The following PMFBP1 variants were observed in gnomAD, a reference collection of about 807,000 sequenced individuals.
PMFBP1 encodes polyamine modulated factor 1 binding protein 1, also known as polyamine-modulated factor 1-binding protein 1.
Under a neutral mutation model 137.8 loss-of-function variants are expected in PMFBP1, and 131 were observed. That is an observed-to-expected ratio of 0.95 (90% CI 0.82 to 1.10). The LOEUF (loss-of-function observed/expected upper bound fraction) is 1.10. Among genes scored for constraint, PMFBP1 ranks in the 50% least tolerant of loss-of-function variants. The pLI is 0.00. For missense variants in PMFBP1, 1,199 were observed against 1,175.4 expected (o/e 1.02, Z -0.29); for synonymous variants, 490 against 450.4 (o/e 1.09, Z -1.11).
At chr16:72,173,930 G>C (rs192488099), upstream of PMFBP1, 127 of 152,350 alleles carry the variant, frequency 8.3e-4, no homozygotes, top group African/African-American at 2.8e-3. Flanking sequence ...TACATATTCT[G>C]TTCTGCCTCT....
the PMFBP1 span, among the ~76,000 whole-genome samples, chr16:72,244,415 C>T: frequency 1.3e-5 from 2 of 152,062 alleles, no homozygotes; most frequent in Non-Finnish European, 2.9e-5. Context: ...GCAAATATTG[C>T]CAAAATTGAC....
chr16:72,174,576 TA>T (rs2043250215), upstream of PMFBP1, among the ~76,000 whole-genome samples: 1 of 152,216 alleles, frequency 6.6e-6, no homozygotes, highest in South Asian at 2.1e-4. Context: ...CACATTGTTA[TA>T]TGGAAATACC....
At chr16:72,179,510 A>C (rs1444728338), upstream of PMFBP1, among the ~76,000 whole-genome samples, 1 of 152,170 alleles carries the variant, frequency 6.6e-6, no homozygotes, top group Non-Finnish European at 1.5e-5. Flanking sequence ...AGGGATGAGG[A>C]TGAGGGGCAG....
intron 17 of PMFBP1, 67 bp from the exon 18 acceptor site, chr16:72,123,716 G>C: frequency 7.1e-7 from 1 of 1,406,324 alleles, no homozygotes; most frequent in Non-Finnish European, 9.9e-7. Context: ...CTCCTTCCGA[G>C]TCAGGCCTCT....
At chr16:72,246,623 G>C in the PMFBP1 span, among the ~76,000 whole-genome samples, 1 of 151,882 alleles carries the variant, frequency 6.6e-6, no homozygotes, top group Non-Finnish European at 1.5e-5. Context: ...CTGGCCACAA[G>C]GTTACTTTCT....
chr16:72,150,717 C>G lies in PMFBP1; in HGVS notation c.527G>C (p.Arg176Thr), dbSNP rs1234955114. ...LAGDKIASLERSLNLYRDKYQ... is the reference protein window; with the variant it reads ...LAGDKIASLETSLNLYRDKYQ... ...TTTATCCCTGTAGAGGTTTAAGCTC[C>G]TCTCTAGAGAGGCGATCTTGTCCCC... The change falls in exon 5 of 21, where the codon AGG (arginine) becomes ACG (threonine). Residue 176 changes from arginine (R) to threonine (T), a missense_variant. Arg to Thr is a moderately conservative substitution (Grantham distance 71). Coordinates refer to ENST00000237353, the MANE Select transcript of PMFBP1 (RefSeq NM_031293.3). The G allele has an allele frequency of 6.2e-7, 1 of 1,614,090 alleles. No homozygotes were observed. Among genetic ancestry groups the G allele is most frequent in the Non-Finnish European group, 8.5e-7 (1 of 1,180,034 alleles).
chr16:72,171,156 A>C, intron 2 of PMFBP1, 41 bp downstream of exon 2: 2 of 1,603,346 alleles, frequency 1.2e-6, no homozygotes, highest in Admixed American at 1.7e-5. Context: ...CCTTGTAATG[A>C]ATATTCAACT....
Position 72,119,322 on chromosome 16 carries a change from G to A in PMFBP1, c.*16C>T. ...GAAACACCCGTGGAAATGCTGCTCA[G>A]GGCTAGATGTGGATTCTAGCAGTAT... On this transcript the variant is annotated 3_prime_UTR_variant, in exon 21 of 21. Coordinates refer to ENST00000237353, the MANE Select transcript of PMFBP1 (RefSeq NM_031293.3). 6.2e-7 allele frequency: 1 copy of A among 1,612,246 alleles called. No individual in the cohort carries two copies. The highest frequency in any genetic ancestry group is 1.1e-5 in the South Asian group (1 of 91,056).
the PMFBP1 span, among the ~76,000 whole-genome samples, chr16:72,218,896 C>G: frequency 1.1e-4 from 16 of 151,948 alleles, no homozygotes; most frequent in Non-Finnish European, 2.2e-4. Flanking sequence ...GGAAGTAACC[C>G]CAACAAAGGG....
At chr16:72,174,345 AG>A (rs763066842), upstream of PMFBP1, among the ~76,000 whole-genome samples, 83 of 152,352 alleles carry the variant, frequency 5.4e-4, no homozygotes, top group Non-Finnish European at 9.6e-4. Context: ...CACGACTTTC[AG>A]GTTAAAAATG....
intron 15 of PMFBP1, among the ~76,000 whole-genome samples, chr16:72,125,738 G>C (rs575868791): frequency 7.2e-5 from 11 of 152,080 alleles, no homozygotes; most frequent in Admixed American, 7.2e-4. Context: ...GGGCAGAAAG[G>C]CTTGCTAGAT....
intron 6 of PMFBP1, 97 bp from the exon 7 acceptor site, chr16:72,139,496 T>TA: frequency 3.0e-6 from 3 of 983,700 alleles, no homozygotes; most frequent in Non-Finnish European, 4.8e-6. Flanking sequence ...CAGCATAAGT[T>TA]TGTTGCAGAA....
chr16:72,215,196 C>G, the PMFBP1 span, among the ~76,000 whole-genome samples: 306 of 152,116 alleles, frequency 2.0e-3, no homozygotes, highest in South Asian at 3.7e-3. Flanking sequence ...GGAGAAGAAC[C>G]AATATTTGAG....
At chr16:72,220,641 T>C in the PMFBP1 span, among the ~76,000 whole-genome samples, 1 of 152,198 alleles carries the variant, frequency 6.6e-6, no homozygotes, top group South Asian at 2.1e-4. Context: ...TGAAGAATGA[T>C]GAAGACTTAG....
intron 4 of PMFBP1, among the ~76,000 whole-genome samples, chr16:72,151,679 T>A (rs189372973): frequency 6.6e-6 from 1 of 152,286 alleles, no homozygotes; most frequent in East Asian, 1.9e-4. Context: ...AGATTCTTCT[T>A]AGGAAAGGAT....
chr16:72,185,782 A>T, the PMFBP1 span, among the ~76,000 whole-genome samples: 9 of 152,218 alleles, frequency 5.9e-5, no homozygotes, highest in Non-Finnish European at 1.3e-4. Context: ...TGAAGAGTCA[A>T]ATTAACTAAT....
At chr16:72,161,389 C>T (rs557502951) in intron 3 of PMFBP1, among the ~76,000 whole-genome samples, 13 of 152,176 alleles carry the variant, frequency 8.5e-5, no homozygotes, top group Non-Finnish European at 1.5e-4. Context: ...TGAGCCACCG[C>T]GCCCGGCCTT....
chr16:72,226,224 G>T, the PMFBP1 span, among the ~76,000 whole-genome samples: 1 of 152,146 alleles, frequency 6.6e-6, no homozygotes, highest in Non-Finnish European at 1.5e-5. Context: ...TTGGTTACTA[G>T]ATTATTCTGG....
chr16:72,198,646 C>T, the PMFBP1 span, among the ~76,000 whole-genome samples: 1 of 152,122 alleles, frequency 6.6e-6, no homozygotes, highest in Admixed American at 6.5e-5. Flanking sequence ...GTAGTTTTTT[C>T]TCCCCCACCC....
Sources: gnomAD v4.1 joint callset for allele counts (sites outside exome capture counted in the v4.1 genomes callset) on GRCh38, gnomAD v4.1.1 for gene constraint, MANE v1.5 for transcripts, NCBI Gene and HGNC (gene_info 2026-07-23, HGNC 2026-07-21) for gene names.